CDH13: variants seen among roughly 807,000 people sequenced by gnomAD.
CDH13 encodes the protein cadherin 13, also known as cadherin-13.
In CDH13, 24 loss-of-function variants were observed where a neutral mutation model predicts 63.8. The ratio of observed to expected loss-of-function variants is 0.38; its 90% confidence interval spans 0.27 to 0.53. CDH13 has a LOEUF of 0.53. CDH13 is among the 20% of genes least tolerant of loss of function. The pLI, the probability that CDH13 is intolerant of heterozygous loss-of-function variation, is 0.85. For missense variants in CDH13, 1,049 were observed against 903.1 expected (o/e 1.16, Z -2.07); for synonymous variants, 503 against 355.3 (o/e 1.42, Z -4.67).
intron 5 of CDH13, among the ~76,000 whole-genome samples, chr16:83,243,742 C>T (rs965188720): frequency 5.3e-5 from 8 of 152,142 alleles, no homozygotes; most frequent in Admixed American, 3.9e-4. Context: ...AAACATAAAC[C>T]AGTCTTGTCC....
Position 82,961,572 on chromosome 16 carries a change from T to TTAAAAAAA in CDH13, c.158-70438_158-70437insTAAAAAAA, listed in dbSNP as rs774564311. Among the ~76,000 whole-genome samples, 542 of 103,332 alleles carry TTAAAAAAA rather than the reference T, an allele frequency of 5.2e-3. 14 individuals are homozygous for TTAAAAAAA. The highest frequency in any genetic ancestry group is 0.021 in the African/African-American group (510 of 24,872). 67.8% of individuals were successfully genotyped at this position (103,332 alleles called of 152,430 possible). ...TGTCCATAAGAATAAGCAGGGGACT[T>TTAAAAAAA]AAAAAAAAAAAAAAAAAAAAAAAAC... On this transcript the variant is annotated intron_variant, in intron 2 of 13. Transcript: ENST00000567109.
intron 5 of CDH13, among the ~76,000 whole-genome samples, chr16:83,276,896 C>T (rs914908448): frequency 3.9e-5 from 6 of 152,088 alleles, no homozygotes; most frequent in Non-Finnish European, 8.8e-5. Flanking sequence ...AAGCATGTCA[C>T]ATCTTACGTA....
intron 7 of CDH13, among the ~76,000 whole-genome samples, chr16:83,567,053 C>A (rs941902408): frequency 6.6e-6 from 1 of 152,156 alleles, no homozygotes; most frequent in African/African-American, 2.4e-5. Flanking sequence ...CTGCCTGTGC[C>A]TGAAATTCCT....
intron 6 of CDH13, among the ~76,000 whole-genome samples, chr16:83,443,420 G>C (rs186583576): frequency 6.6e-6 from 1 of 152,174 alleles, no homozygotes; most frequent in Non-Finnish European, 1.5e-5. Context: ...GTTACGAAAA[G>C]GTTTGATTTA....
chr16:83,275,590 G>T (rs893984195), intron 5 of CDH13, among the ~76,000 whole-genome samples: 1 of 152,078 alleles, frequency 6.6e-6, no homozygotes, highest in African/African-American at 2.4e-5. Flanking sequence ...TATAGGAGGG[G>T]CTTAAGGAGG....
intron 7 of CDH13, among the ~76,000 whole-genome samples, chr16:83,569,412 G>A (rs1410426252): frequency 1.3e-5 from 2 of 152,186 alleles, no homozygotes; most frequent in African/African-American, 2.4e-5. Flanking sequence ...CCCTTCCTTG[G>A]GGAGTAACTT....
intron 5 of CDH13, among the ~76,000 whole-genome samples, chr16:83,319,996 C>T (rs892433936): frequency 1.6e-4 from 24 of 152,314 alleles, no homozygotes; most frequent in African/African-American, 3.6e-4. Flanking sequence ...TTCTGCAGCA[C>T]GTGACACAGG....
intron 7 of CDH13, among the ~76,000 whole-genome samples, chr16:83,561,372 G>A (rs899359786): frequency 1.6e-4 from 24 of 149,672 alleles, no homozygotes; most frequent in African/African-American, 5.9e-4. Flanking sequence ...GTTGTGGTGA[G>A]CTGAGATTGT....
intron 7 of CDH13, among the ~76,000 whole-genome samples, chr16:83,550,823 C>T (rs1296196632): frequency 6.6e-6 from 1 of 152,056 alleles, no homozygotes; most frequent in Non-Finnish European, 1.5e-5. Context: ...GTTTTACTTC[C>T]AGAATTCTAC....
At chr16:82,631,421 T>C (rs185889385) in intron 1 of CDH13, among the ~76,000 whole-genome samples, 72 of 152,310 alleles carry the variant, frequency 4.7e-4, no homozygotes, top group Middle Eastern at 3.4e-3. Flanking sequence ...CCATCACTCA[T>C]TGAAAAGGAG....
intron 2 of CDH13, among the ~76,000 whole-genome samples, chr16:82,942,752 C>T (rs1904307284): frequency 6.6e-6 from 1 of 152,070 alleles, no homozygotes; most frequent in Admixed American, 6.5e-5. Flanking sequence ...TTAAAGAGAA[C>T]ATGTGATATG....
chr16:83,164,381 A>G (rs1204086286), intron 4 of CDH13, among the ~76,000 whole-genome samples: 1 of 152,016 alleles, frequency 6.6e-6, no homozygotes, highest in Non-Finnish European at 1.5e-5. Flanking sequence ...GAGTTAGGTC[A>G]CAATCCACGT....
chr16:83,368,537 A>T (rs969018354), intron 6 of CDH13, among the ~76,000 whole-genome samples: 1 of 151,556 alleles, frequency 6.6e-6, no homozygotes, highest in South Asian at 2.1e-4. Context: ...TTTTATTTCA[A>T]TAGGTTTTTT....
chr16:83,213,389 T>G (rs2039393956), intron 4 of CDH13, among the ~76,000 whole-genome samples: 2 of 152,160 alleles, frequency 1.3e-5, no homozygotes, highest in South Asian at 2.1e-4. Context: ...GGTGGTGATG[T>G]TTGTCCCAAG....
intron 1 of CDH13, among the ~76,000 whole-genome samples, chr16:82,819,473 G>C (rs144592396): frequency 6.6e-6 from 1 of 152,166 alleles, no homozygotes; most frequent in Non-Finnish European, 1.5e-5. Context: ...CTGTCCCACT[G>C]TTCCTCCAGC....
chr16:83,605,602 G>C (rs997408868), intron 8 of CDH13, among the ~76,000 whole-genome samples: 2 of 152,304 alleles, frequency 1.3e-5, no homozygotes, highest in East Asian at 3.9e-4. Context: ...AACCTAGATA[G>C]TGCCTGTCGC....
At chr16:83,132,355 T>G (rs1443429824) in intron 4 of CDH13, among the ~76,000 whole-genome samples, 1 of 152,050 alleles carries the variant, frequency 6.6e-6, no homozygotes, top group Non-Finnish European at 1.5e-5. Context: ...TAAAATCTAT[T>G]GTTTTGTGCC....
At chr16:82,703,628 T>C (rs749812750) in intron 1 of CDH13, among the ~76,000 whole-genome samples, 6 of 152,244 alleles carry the variant, frequency 3.9e-5, no homozygotes, top group Non-Finnish European at 7.4e-5. Flanking sequence ...GCTACTTACA[T>C]TCGAGAACTA....
intron 1 of CDH13, among the ~76,000 whole-genome samples, chr16:82,783,769 C>T (rs2035874843): frequency 6.6e-6 from 1 of 152,116 alleles, no homozygotes; most frequent in Non-Finnish European, 1.5e-5. Flanking sequence ...TGTAGAATTA[C>T]TAGGGCAGTA....
Sources: gnomAD v4.1 joint callset for allele counts (sites outside exome capture counted in the v4.1 genomes callset) on GRCh38, gnomAD v4.1.1 for gene constraint, MANE v1.5 for transcripts, NCBI Gene and HGNC (gene_info 2026-07-23, HGNC 2026-07-21) for gene names.